The following TTI1 variants were observed in gnomAD, a reference collection of about 807,000 sequenced individuals.
The protein encoded by TTI1 is TELO2 interacting protein 1, also known as TELO2-interacting protein 1 homolog.
Under a neutral mutation model 85.4 loss-of-function variants are expected in TTI1, and 52 were observed. The ratio of observed to expected loss-of-function variants is 0.61; its 90% confidence interval spans 0.49 to 0.77. The LOEUF (loss-of-function observed/expected upper bound fraction) is 0.77. Among genes scored for constraint, TTI1 ranks in the 30% least tolerant of loss-of-function variants. TTI1 has a pLI of 0.00. For missense variants in TTI1, 1,173 were observed against 1,296.0 expected (o/e 0.91, Z 1.46); for synonymous variants, 512 against 503.9 (o/e 1.02, Z -0.22).
chr20:38,000,998 CG>C (rs1244857793), intron 4 of TTI1, among the ~76,000 whole-genome samples: 1 of 152,088 alleles, frequency 6.6e-6, no homozygotes, highest in Non-Finnish European at 1.5e-5. Context: ...ACGTATCTGC[CG>C]CATGGGTGAA....
chr20:38,012,502 C>A lies in TTI1; in HGVS notation c.1315G>T (p.Asp439Tyr), dbSNP rs758663026. 6.2e-7 allele frequency: 1 copy of A among 1,614,214 alleles called. No individual in the cohort carries two copies. The highest frequency in any genetic ancestry group is 1.1e-5 in the South Asian group (1 of 91,084). ...SKALIQVLELDVADIKIVEER... is the reference protein window; with the variant it reads ...SKALIQVLELYVADIKIVEER... ...TCAACAATCTTGATGTCAGCCACGT[C>A]TAGCTCTAGAACTTGGATGAGTGCT... The change falls in exon 2 of 8, where the codon GAC becomes TAC. Residue 439 changes from aspartate to tyrosine, a missense_variant. Coordinates refer to ENST00000373447, the MANE Select transcript of TTI1 (RefSeq NM_001303457.2).
At chr20:38,022,567 G>A (rs1344814490) in intron 1 of TTI1, among the ~76,000 whole-genome samples, 2 of 152,084 alleles carry the variant, frequency 1.3e-5, no homozygotes, top group Non-Finnish European at 2.9e-5. Flanking sequence ...CAGCTATTCC[G>A]AATCGGATTC....
chr20:38,008,107 G>A (rs1415836156), intron 2 of TTI1, among the ~76,000 whole-genome samples: 1 of 152,180 alleles, frequency 6.6e-6, no homozygotes, highest in African/African-American at 2.4e-5. Context: ...TATTGGATTA[G>A]CAAAGATCAA....
In TTI1 at chr20:38,011,588, G is replaced by A. The variant is rs1192446967; in HGVS notation, c.2229C>T (p.Ala743=). The A allele has an allele frequency of 6.2e-7, 1 of 1,614,196 alleles. No individual in the cohort carries two copies. Among genetic ancestry groups the A allele is most frequent in the Non-Finnish European group, 8.5e-7 (1 of 1,180,028 alleles). ...LVADVVQDVL[A]TLDQFYDKRA... is the part of the protein sequence containing the mutation. The stretch of plus-strand genomic sequence containing the variant: ...TCTTATCGTAAAATTGGTCCAGGGT[G>A]GCCAAGACATCTTGAACCACATCTG... The change falls in exon 2 of 8, where the codon GCC becomes GCT. Residue 743 remains alanine (A), a synonymous_variant. Coordinates refer to ENST00000373447, the MANE Select transcript of TTI1 (RefSeq NM_001303457.2).
chr20:38,009,089 A>G (rs185113625), intron 2 of TTI1, among the ~76,000 whole-genome samples: 3 of 152,270 alleles, frequency 2.0e-5, no homozygotes, highest in African/African-American at 7.2e-5. Flanking sequence ...GAAGGCCCAA[A>G]TTCAGATACC....
chr20:38,031,780 C>T (rs1364365109), intron 1 of TTI1, among the ~76,000 whole-genome samples: 1 of 152,224 alleles, frequency 6.6e-6, no homozygotes, highest in African/African-American at 2.4e-5. Flanking sequence ...ACTCCTGGCT[C>T]TGCTATTTCC....
At chr20:38,018,745 T>A (rs568681124) in intron 1 of TTI1, among the ~76,000 whole-genome samples, 1 of 150,144 alleles carries the variant, frequency 6.7e-6, no homozygotes, top group East Asian at 1.9e-4. Context: ...CAGGAGTCAA[T>A]AGAATGCTAT....
In TTI1 at chr20:38,014,285, T is replaced by G. The variant is rs80325344; in HGVS notation, c.-41-428A>C. ...CATATAGTAAAATGCACTATCTTAA[T>G]GTACAGCTCAGTGAATTTTTGTGTT... On this transcript the variant is annotated intron_variant, in intron 1 of 7. Transcript: ENST00000373447. Among the ~76,000 whole-genome samples, 1,405 of 152,334 alleles carry G rather than the reference T, an allele frequency of 9.2e-3. 21 individuals carry two copies. The highest frequency in any genetic ancestry group is 0.032 in the African/African-American group (1,349 of 41,572).
chr20:37,990,471 A>G (rs1600603389), intron 7 of TTI1, among the ~76,000 whole-genome samples: 1 of 152,230 alleles, frequency 6.6e-6, no homozygotes, highest in African/African-American at 2.4e-5. Flanking sequence ...TTATCTTGTT[A>G]TTGAACAACA....
intron 1 of TTI1, among the ~76,000 whole-genome samples, chr20:38,024,178 G>A (rs530636168): frequency 1.3e-5 from 2 of 152,196 alleles, no homozygotes; most frequent in Admixed American, 6.5e-5. Flanking sequence ...GCCCTCCCCC[G>A]ATTTATGACC....
intron 1 of TTI1, among the ~76,000 whole-genome samples, chr20:38,031,684 C>T (rs962894278): frequency 1.3e-5 from 2 of 152,160 alleles, no homozygotes; most frequent in Admixed American, 1.3e-4. Flanking sequence ...GACATAGGTG[C>T]TGAAAAATTA....
intron 7 of TTI1, among the ~76,000 whole-genome samples, chr20:37,986,889 A>G (rs570912092): frequency 3.9e-5 from 6 of 152,336 alleles, no homozygotes; most frequent in East Asian, 3.9e-4. Context: ...AATTTTCTCC[A>G]TACTGACTTG....
Position 38,027,962 on chromosome 20 carries a change from AT to A in TTI1, c.-42+5441del, listed in dbSNP as rs907410087. 5.9e-5 allele frequency among the ~76,000 whole-genome samples: 9 copies of A among 152,256 alleles called. No homozygotes were observed. The East Asian group carries it at 1.5e-3, about 26-fold the overall frequency. ...GAAAGAAAAGAAAATCACAATTACTATTCATTAAGTGGAAGTAGATCATTAC... is the reference window on the plus strand; with the variant it reads ...GAAAGAAAAGAAAATCACAATTACTATCATTAAGTGGAAGTAGATCATTAC... On this transcript the variant is annotated intron_variant, in intron 1 of 7. Coordinates refer to ENST00000373447, the MANE Select transcript of TTI1 (RefSeq NM_001303457.2).
At chr20:38,031,072 C>T in intron 1 of TTI1, among the ~76,000 whole-genome samples, 1 of 152,212 alleles carries the variant, frequency 6.6e-6, no homozygotes. Flanking sequence ...CCCTTTCTTA[C>T]CACTTCCACA....
intron 1 of TTI1, among the ~76,000 whole-genome samples, chr20:38,018,798 T>C (rs1427677338): frequency 6.6e-6 from 1 of 151,476 alleles, no homozygotes; most frequent in Non-Finnish European, 1.5e-5. Context: ...TTTTTTTTAA[T>C]CTATGGACTA....
chr20:38,008,994 A>C (rs2073541395), intron 2 of TTI1, among the ~76,000 whole-genome samples: 2 of 151,584 alleles, frequency 1.3e-5, no homozygotes, highest in Non-Finnish European at 2.9e-5. Flanking sequence ...TTTTTTTTAA[A>C]AGCACTACAA....
At position 38,024,555 on chromosome 20, in the gene TTI1, C is replaced by T. The variant is rs536499136; in HGVS notation, c.-42+8849G>A. Among the ~76,000 whole-genome samples, 5 of 152,106 alleles carry T rather than the reference C, an allele frequency of 3.3e-5. No individual in the cohort carries two copies. The South Asian group carries it at 1.0e-3, about 32-fold the overall frequency. ...CACCAATGGGCACAGACACAAAAACCCCAACAAAAACCTGCTCTCTCTAGC... is the reference window on the plus strand; with the variant it reads ...CACCAATGGGCACAGACACAAAAACTCCAACAAAAACCTGCTCTCTCTAGC... On this transcript the variant is annotated intron_variant, in intron 1 of 7. Coordinates refer to ENST00000373447, the MANE Select transcript of TTI1 (RefSeq NM_001303457.2).
chr20:37,991,922 G>A (rs1477423345), intron 7 of TTI1, among the ~76,000 whole-genome samples: 4 of 152,144 alleles, frequency 2.6e-5, no homozygotes, highest in African/African-American at 9.7e-5. Context: ...ATCACCCCCA[G>A]TTTACAGAGG....
chr20:37,997,077 C>T (rs1051613704), intron 5 of TTI1, 124 bp from the exon 6 acceptor site: 7 of 1,059,764 alleles, frequency 6.6e-6, no homozygotes, highest in Non-Finnish European at 5.3e-6. Context: ...AGAATTACTG[C>T]TGTTAATTCC....
Sources: gnomAD v4.1 joint callset for allele counts (sites outside exome capture counted in the v4.1 genomes callset) on GRCh38, gnomAD v4.1.1 for gene constraint, MANE v1.5 for transcripts, NCBI Gene and HGNC (gene_info 2026-07-23, HGNC 2026-07-21) for gene names.